The following TDRP variants were observed in gnomAD, a reference collection of about 807,000 sequenced individuals.
TDRP encodes the protein testis development-related protein.
TDRP carries 12 observed loss-of-function variants against 10.5 expected under a neutral mutation model. That is an observed-to-expected ratio of 1.15 (90% CI 0.73 to 1.86). The LOEUF is 1.86. Among genes scored for constraint, TDRP ranks in the 40% most tolerant of loss-of-function variants. TDRP has a pLI of 0.00. For synonymous variants in TDRP, 139 were observed against 95.4 expected (o/e 1.46, Z -2.67); for missense variants, 353 against 229.2 (o/e 1.54, Z -3.49).
At chr8:516,531 G>T (rs1801760907) in intron 1 of TDRP, among the ~76,000 whole-genome samples, 1 of 152,116 alleles carries the variant, frequency 6.6e-6, no homozygotes, top group South Asian at 2.1e-4. Flanking sequence ...CTGTCATCAG[G>T]GAAATGCAAA....
chr8:513,849 C>CA, intron 1 of TDRP, among the ~76,000 whole-genome samples: 1 of 152,166 alleles, frequency 6.6e-6, no homozygotes, highest in East Asian at 1.9e-4. Context: ...TCTTACACAC[C>CA]AGCAAGGAAC....
intron 1 of TDRP, among the ~76,000 whole-genome samples, chr8:520,097 G>C (rs528957387): frequency 1.3e-3 from 197 of 152,354 alleles, no homozygotes; most frequent in Non-Finnish European, 2.0e-3. Context: ...GTTATATCCT[G>C]TGGTTGGGGA....
intron 1 of TDRP, among the ~76,000 whole-genome samples, chr8:516,109 A>G (rs527697375): frequency 1.3e-5 from 2 of 152,322 alleles, no homozygotes; most frequent in African/African-American, 4.8e-5. Context: ...TTAAAAAAAT[A>G]TATAATTTAT....
At chr8:533,626 C>T (rs186156197) in intron 1 of TDRP, among the ~76,000 whole-genome samples, 95 of 152,272 alleles carry the variant, frequency 6.2e-4, no homozygotes, top group African/African-American at 1.9e-3. Context: ...CAAAATACAA[C>T]CAAGGGGTTA....
In TDRP at chr8:528,947, C is replaced by G. The variant is rs150708691; in HGVS notation, c.108+15703G>C. 1.5e-3 allele frequency among the ~76,000 whole-genome samples: 229 copies of G among 152,258 alleles called. 2 individuals carry two copies. The highest frequency in any genetic ancestry group is 5.3e-3 in the African/African-American group (219 of 41,536). On this transcript the variant is annotated intron_variant, in intron 1 of 2. Transcript: ENST00000324079. The stretch of plus-strand genomic sequence containing the variant: ...TCTGCAAGCTGAGGAGCAAGGAAGC[C>G]AGTCCGAGTCCCAAAACTGAAGAAC...
chr8:528,126 G>A (rs1241308781), intron 1 of TDRP, among the ~76,000 whole-genome samples: 1 of 152,112 alleles, frequency 6.6e-6, no homozygotes, highest in Non-Finnish European at 1.5e-5. Flanking sequence ...TCCAAAAGAA[G>A]ACATATAATT....
chr8:533,792 T>C (rs780055671), intron 1 of TDRP, among the ~76,000 whole-genome samples: 1 of 152,056 alleles, frequency 6.6e-6, no homozygotes, highest in Non-Finnish European at 1.5e-5. Context: ...GTATATAAAG[T>C]ATAGGGTAGG....
chr8:502,786 C>A (rs1287963914), intron 1 of TDRP, among the ~76,000 whole-genome samples: 1 of 151,670 alleles, frequency 6.6e-6, no homozygotes, highest in Non-Finnish European at 1.5e-5. Flanking sequence ...GAATCCAGAG[C>A]CATACACTGG....
chr8:498,468 G>A (rs966100549), intron 1 of TDRP, among the ~76,000 whole-genome samples: 5 of 152,104 alleles, frequency 3.3e-5, no homozygotes, highest in Admixed American at 1.3e-4. Flanking sequence ...TTTACCCAAC[G>A]CCTGCACCTC....
chr8:523,712 T>C (rs1584874520), intron 1 of TDRP, among the ~76,000 whole-genome samples: 1 of 152,060 alleles, frequency 6.6e-6, no homozygotes, highest in South Asian at 2.1e-4. Context: ...GCTCCTCTGC[T>C]TGTGGAAAGG....
chr8:502,458 C>T (rs1453113586), intron 1 of TDRP, among the ~76,000 whole-genome samples: 3 of 152,252 alleles, frequency 2.0e-5, no homozygotes, highest in Admixed American at 6.5e-5. Context: ...CGAGACCAGG[C>T]TCCCACCAGA....
chr8:500,995 A>G (rs916934078), intron 1 of TDRP, among the ~76,000 whole-genome samples: 8 of 152,272 alleles, frequency 5.3e-5, no homozygotes, highest in African/African-American at 1.7e-4. Flanking sequence ...TCACAAGGTC[A>G]GGAGATCGAG....
chr8:492,163 GGACT>G lies in TDRP; in HGVS notation c.*232_*235del. ...CACATCTCCAGTTTCTGCAAAACAT[GGACT>G]GATAGGTGAATATTTCTGCAATAAG... On this transcript the variant is annotated 3_prime_UTR_variant, in exon 3 of 3. Transcript: ENST00000324079. The G allele has an allele frequency of 8.0e-7, 1 of 1,254,632 alleles. No homozygotes were observed. The highest frequency in any genetic ancestry group is 1.0e-6 in the Non-Finnish European group (1 of 1,002,154). 77.7% of individuals were successfully genotyped at this position (1,254,632 alleles called of 1,614,324 possible).
At chr8:524,434 C>A (rs538873047) in intron 1 of TDRP, among the ~76,000 whole-genome samples, 1 of 152,026 alleles carries the variant, frequency 6.6e-6, no homozygotes, top group East Asian at 1.9e-4. Context: ...GAAAACATAA[C>A]CTCACCAAAC....
intron 1 of TDRP, among the ~76,000 whole-genome samples, chr8:510,769 AG>A: frequency 6.6e-6 from 1 of 152,374 alleles, no homozygotes; most frequent in African/African-American, 2.4e-5. Flanking sequence ...AACTCCATAC[AG>A]CAACTCATAT....
At chr8:544,360 G>A (rs1802579434) in intron 1 of TDRP, among the ~76,000 whole-genome samples, 1 of 152,026 alleles carries the variant, frequency 6.6e-6, no homozygotes, top group Non-Finnish European at 1.5e-5. Context: ...AGGGGGCACT[G>A]GGTCCCCTGC....
chr8:491,359 C>G lies in TDRP; in HGVS notation c.*1040G>C. ...TGCAGGACTTGCTGATAAGAGCCAA[C>G]CTTCCAGGGACGCATAACTGGCACC... On this transcript the variant is annotated 3_prime_UTR_variant, in exon 3 of 3. Transcript: ENST00000324079. 2.7e-6 allele frequency: 1 copy of G among 365,198 alleles called. No homozygotes were observed. The highest frequency in any genetic ancestry group is 4.9e-6 in the Non-Finnish European group (1 of 205,282). 22.6% of individuals were successfully genotyped at this position (365,198 alleles called of 1,614,324 possible).
chr8:506,149 T>C (rs545073887), intron 1 of TDRP, among the ~76,000 whole-genome samples: 1 of 152,340 alleles, frequency 6.6e-6, no homozygotes, highest in Admixed American at 6.5e-5. Flanking sequence ...TCCCTGTTTT[T>C]GCTGTAAGAA....
chr8:499,067 C>T (rs772755187), intron 1 of TDRP, among the ~76,000 whole-genome samples: 1 of 152,092 alleles, frequency 6.6e-6, no homozygotes, highest in Non-Finnish European at 1.5e-5. Flanking sequence ...TGGACTAATA[C>T]AAGGTGATTC....
Sources: allele counts gnomAD v4.1 joint callset (sites outside exome capture counted in the v4.1 genomes callset), GRCh38; gene constraint gnomAD v4.1.1; transcripts MANE v1.5; gene names NCBI Gene and HGNC (gene_info 2026-07-23, HGNC 2026-07-21).